Variants in TANGO6 observed in about 807,000 individuals in gnomAD.
TANGO6 encodes the protein transport and Golgi organization protein 6 homolog.
TANGO6 carries 90 observed loss-of-function variants against 114.2 expected under a neutral mutation model. The observed-to-expected ratio is 0.79, with a 90% CI of 0.66 to 0.94. The LOEUF is 0.94. Among genes scored for constraint, TANGO6 ranks in the 40% least tolerant of loss-of-function variants. TANGO6 has a pLI of 0.00. For missense variants in TANGO6, 1,274 were observed against 1,315.3 expected, an observed-to-expected ratio of 0.97 and a Z score of 0.49; for synonymous variants, 477 against 509.8, an observed-to-expected ratio of 0.94 and a Z score of 0.87.
intron 16 of TANGO6, among the ~76,000 whole-genome samples, chr16:69,029,333 C>A (rs955965955): frequency 4.6e-5 from 7 of 152,174 alleles, no homozygotes; most frequent in South Asian, 2.1e-4. Context: ...GGCTCAGTTT[C>A]TTGATCTAGA....
chr16:68,939,993 T>C (rs1370216158), intron 14 of TANGO6, among the ~76,000 whole-genome samples: 1 of 151,706 alleles, frequency 6.6e-6, no homozygotes, highest in Non-Finnish European at 1.5e-5. Flanking sequence ...TGATTTGGTC[T>C]GACTACAAGG....
intron 7 of TANGO6, among the ~76,000 whole-genome samples, chr16:68,899,369 C>G (rs2152180652): frequency 6.6e-6 from 1 of 152,184 alleles, no homozygotes; most frequent in South Asian, 2.1e-4. Context: ...ACTACAGTAC[C>G]TAAAACAGTG....
intron 12 of TANGO6, among the ~76,000 whole-genome samples, chr16:68,920,002 G>A (rs1290570232): frequency 3.3e-5 from 5 of 152,146 alleles, no homozygotes; most frequent in South Asian, 2.1e-4. Context: ...AGCCGAAATC[G>A]TGCCATTGCA....
chr16:69,011,455 C>CTT (rs79675600), intron 15 of TANGO6, among the ~76,000 whole-genome samples: 4 of 136,696 alleles, frequency 2.9e-5, no homozygotes, highest in Non-Finnish European at 3.2e-5. Flanking sequence ...TTAGTGTGTT[C>CTT]TTTTTTTTTT....
intron 15 of TANGO6, among the ~76,000 whole-genome samples, chr16:68,985,151 G>A (rs976387270): frequency 2.0e-5 from 3 of 151,950 alleles, no homozygotes; most frequent in Admixed American, 2.0e-4. Context: ...AGGATTACAG[G>A]CGTGAACTAC....
intron 7 of TANGO6, among the ~76,000 whole-genome samples, chr16:68,891,778 T>TAAGGAAGG (rs1164364594): frequency 7.1e-6 from 1 of 140,162 alleles, no homozygotes; most frequent in East Asian, 2.1e-4. Flanking sequence ...AGCTACAGCT[T>TAAGGAAGG]AAGGAAGGAA....
chr16:68,976,156 A>G (rs529424264), intron 15 of TANGO6, among the ~76,000 whole-genome samples: 1 of 151,500 alleles, frequency 6.6e-6, no homozygotes, highest in East Asian at 1.9e-4. Context: ...CTGGTCTTGA[A>G]CTCCTGGCCT....
intron 14 of TANGO6, among the ~76,000 whole-genome samples, chr16:68,961,342 C>T (rs1963588849): frequency 6.6e-6 from 1 of 152,212 alleles, no homozygotes; most frequent in African/African-American, 2.4e-5. Context: ...TGCGGGTTTG[C>T]AGTCCTGCCC....
chr16:69,068,964 G>A (rs754634366), intron 17 of TANGO6, among the ~76,000 whole-genome samples: 3 of 152,256 alleles, frequency 2.0e-5, no homozygotes, highest in Non-Finnish European at 2.9e-5. Flanking sequence ...TGATCCACCC[G>A]CCTCAGCCTG....
intron 17 of TANGO6, among the ~76,000 whole-genome samples, chr16:69,063,133 C>T (rs1204190857): frequency 1.3e-5 from 2 of 150,728 alleles, no homozygotes; most frequent in African/African-American, 4.9e-5. Flanking sequence ...GAAGCGGAGG[C>T]AGGAGAATCG....
chr16:68,849,385 G>C (rs1472903592), intron 1 of TANGO6, among the ~76,000 whole-genome samples: 3 of 151,782 alleles, frequency 2.0e-5, no homozygotes, highest in African/African-American at 7.3e-5. Context: ...ACCTGTAATC[G>C]CAGCATTTTG....
At chr16:68,873,550 G>A (rs1962310710) in intron 4 of TANGO6, among the ~76,000 whole-genome samples, 1 of 152,142 alleles carries the variant, frequency 6.6e-6, no homozygotes, top group Non-Finnish European at 1.5e-5. Flanking sequence ...CTGACCTCAG[G>A]TGATCCACCT....
intron 11 of TANGO6, among the ~76,000 whole-genome samples, chr16:68,917,817 A>G (rs376696878): frequency 7.9e-5 from 12 of 152,088 alleles, no homozygotes; most frequent in African/African-American, 2.2e-4. Flanking sequence ...CAGTGACACC[A>G]TCATGGCTTA....
intron 13 of TANGO6, among the ~76,000 whole-genome samples, chr16:68,929,673 C>T (rs902752286): frequency 6.6e-6 from 1 of 152,056 alleles, no homozygotes; most frequent in Non-Finnish European, 1.5e-5. Flanking sequence ...AGTTGATACC[C>T]CTGATAGGTT....
At chr16:69,079,054 A>G (rs1471177008) in intron 17 of TANGO6, among the ~76,000 whole-genome samples, 1 of 150,372 alleles carries the variant, frequency 6.7e-6, no homozygotes, top group African/African-American at 2.4e-5. Flanking sequence ...GGCTGGGTGC[A>G]GTGGCTCATG....
At chr16:69,021,641 T>C (rs1342832041) in intron 15 of TANGO6, among the ~76,000 whole-genome samples, 1 of 152,072 alleles carries the variant, frequency 6.6e-6, no homozygotes, top group Non-Finnish European at 1.5e-5. Context: ...CTAATAATCA[T>C]AGTTCTCTTT....
At chr16:69,060,338 C>G (rs1174349020) in intron 17 of TANGO6, among the ~76,000 whole-genome samples, 1 of 152,046 alleles carries the variant, frequency 6.6e-6, no homozygotes, top group African/African-American at 2.4e-5. Context: ...TTTATATTCC[C>G]AAAAGCTAGC....
chr16:69,028,871 A>AAG (rs1555528709), intron 16 of TANGO6, among the ~76,000 whole-genome samples: 3 of 149,454 alleles, frequency 2.0e-5, no homozygotes, highest in African/African-American at 7.4e-5. Flanking sequence ...AAAAAAAAAA[A>AAG]AAAGAAAAAG....
intron 8 of TANGO6, among the ~76,000 whole-genome samples, chr16:68,900,920 G>A (rs1962774479): frequency 6.6e-6 from 1 of 152,236 alleles, no homozygotes; most frequent in African/African-American, 2.4e-5. Context: ...ACACATTTGG[G>A]AAATCTAGAT....
Sources: allele counts gnomAD v4.1 joint callset (sites outside exome capture counted in the v4.1 genomes callset), GRCh38; gene constraint gnomAD v4.1.1; transcripts MANE v1.5; gene names NCBI Gene and HGNC (gene_info 2026-07-23, HGNC 2026-07-21).